The following SLC17A3 variants were observed in gnomAD, a reference collection of about 807,000 sequenced individuals.
SLC17A3 encodes sodium-dependent phosphate transport protein 4.
In SLC17A3, 61 loss-of-function variants were observed where a neutral mutation model predicts 60.3. The ratio of observed to expected loss-of-function variants is 1.01; its 90% CI spans 0.82 to 1.25. The LOEUF is 1.25. Among genes scored for constraint, SLC17A3 ranks in the 50% most tolerant of loss-of-function variants. The pLI, the probability that SLC17A3 is intolerant of heterozygous loss-of-function variation, is 0.00. For synonymous variants in SLC17A3, 192 were observed against 208.9 expected (o/e 0.92, Z 0.70); for missense variants, 624 against 594.9 (o/e 1.05, Z -0.51).
chr6:25,870,542 C>T (rs951302170), intron 1 of SLC17A3, among the ~76,000 whole-genome samples: 5 of 151,954 alleles, frequency 3.3e-5, no homozygotes, highest in Admixed American at 3.3e-4. Context: ...GAAGCCACTC[C>T]AAGATTATCC....
At chr6:25,849,596 C>A in intron 10 of SLC17A3, 132 bp from the exon 11 acceptor site, 1 of 736,072 alleles carries the variant, frequency 1.4e-6, no homozygotes, top group Admixed American at 2.2e-5. Context: ...ACAATTATAT[C>A]AAAAAGGACT....
At position 25,861,608 on chromosome 6, in the gene SLC17A3, G is replaced by C. The variant is rs764641864; in HGVS notation, c.625+16C>G. ...TGTTGGATTGTAGTGTACCCATTTG[G>C]ATTACATGTCCTTACCTGATAAAGC... On this transcript the variant is annotated intron_variant, in intron 5 of 12. Transcript: ENST00000397060. 1.2e-6 allele frequency: 2 copies of C among 1,608,442 alleles called. No homozygotes were observed. Among genetic ancestry groups the C allele is most frequent in the East Asian group, 4.5e-5 (2 of 44,864 alleles).
intron 2 of SLC17A3, among the ~76,000 whole-genome samples, chr6:25,865,660 T>C (rs1331918793): frequency 6.6e-6 from 1 of 152,018 alleles, no homozygotes; most frequent in East Asian, 1.9e-4. Context: ...AGTCTGGTGC[T>C]TGCCAGATGT....
At chr6:25,845,627 C>A in intron 11 of SLC17A3, 111 bp from the exon 12 acceptor site, 1 of 1,261,068 alleles carries the variant, frequency 7.9e-7, no homozygotes, top group South Asian at 1.2e-5. Flanking sequence ...TGTAGAAATT[C>A]ATTTCCTGAA....
At chr6:25,869,143 G>C (rs548987) in intron 1 of SLC17A3, among the ~76,000 whole-genome samples, 29,750 of 151,888 alleles carry the variant, frequency 0.2, 4,223 homozygotes, top group African/African-American at 0.4. Flanking sequence ...CATGGAGGTT[G>C]TGACCTTTTT....
At chr6:25,858,254 A>G (rs1002300831) in intron 5 of SLC17A3, among the ~76,000 whole-genome samples, 5 of 152,154 alleles carry the variant, frequency 3.3e-5, no homozygotes, top group Non-Finnish European at 5.9e-5. Context: ...GCCTCTCTTC[A>G]AGGCAAAACT....
intron 2 of SLC17A3, among the ~76,000 whole-genome samples, chr6:25,866,873 G>A (rs984668259): frequency 6.6e-6 from 1 of 151,908 alleles, no homozygotes; most frequent in African/African-American, 2.4e-5. Context: ...AATACTATTG[G>A]TGCAATAGCA....
Position 25,850,593 on chromosome 6 carries a change from T to A in SLC17A3, c.859A>T (p.Ile287Phe). ...GGTAGAGATCTGAGCATAGCTTTGATGGGAAGAGGCTGCTTAGAAGACCCG... is the reference window on the plus strand; with the variant it reads ...GGTAGAGATCTGAGCATAGCTTTGAAGGGAAGAGGCTGCTTAGAAGACCCG... Reference protein sequence around the residue: ...QVGSSKQPLPIKAMLRSLPIW... With the variant: ...QVGSSKQPLPFKAMLRSLPIW... The change falls in exon 8 of 13, where the codon ATC (isoleucine) becomes TTC (phenylalanine). Residue 287 changes from isoleucine (I) to phenylalanine (F), a missense_variant. Ile to Phe is a conservative substitution (Grantham distance 21). Transcript: ENST00000397060. The A allele has an allele frequency of 6.2e-7, 1 of 1,614,018 alleles. No individual in the cohort carries two copies.
intron 11 of SLC17A3, among the ~76,000 whole-genome samples, chr6:25,848,205 A>T (rs113888588): frequency 0.036 from 5,447 of 152,246 alleles, 281 homozygotes; most frequent in African/African-American, 0.12. Flanking sequence ...GCTGCCATAA[A>T]CATGTCTGTG....
intron 5 of SLC17A3, among the ~76,000 whole-genome samples, chr6:25,857,359 A>G (rs763833932): frequency 2.0e-5 from 3 of 151,498 alleles, no homozygotes; most frequent in Admixed American, 6.6e-5. Flanking sequence ...TTTTGCCTTA[A>G]TTTACAGAAT....
chr6:25,861,516 T>C, intron 5 of SLC17A3, 108 bp downstream of exon 5: 1 of 879,470 alleles, frequency 1.1e-6, no homozygotes, highest in East Asian at 2.5e-5. Flanking sequence ...TAAAAATACT[T>C]CACTGACATT....
intron 11 of SLC17A3, 69 bp downstream of exon 11, chr6:25,849,305 C>A (rs1765229293): frequency 1.1e-6 from 1 of 889,584 alleles, no homozygotes; most frequent in Non-Finnish European, 1.9e-6. Flanking sequence ...TCTTTGAATA[C>A]ATGCTATCAC....
intron 5 of SLC17A3, among the ~76,000 whole-genome samples, chr6:25,859,810 C>A (rs181657855): frequency 2.1e-4 from 32 of 152,154 alleles, no homozygotes; most frequent in Non-Finnish European, 3.7e-4. Flanking sequence ...TCAGGTCATG[C>A]GATCCTTCTA....
intron 1 of SLC17A3, among the ~76,000 whole-genome samples, chr6:25,870,701 T>G (rs926695787): frequency 6.6e-6 from 1 of 151,990 alleles, no homozygotes; most frequent in Non-Finnish European, 1.5e-5. Flanking sequence ...GAGAACCTGA[T>G]AGTTGCTAGA....
At chr6:25,849,115 A>C (rs942317226) in intron 11 of SLC17A3, among the ~76,000 whole-genome samples, 12 of 152,168 alleles carry the variant, frequency 7.9e-5, no homozygotes, top group Admixed American at 2.6e-4. Flanking sequence ...TTATGCATGG[A>C]ATCATTATCC....
rs896262356 is a variant in SLC17A3 at position 25,849,236 on chromosome 6, T to A, written c.1362+138A>T. On this transcript the variant is annotated intron_variant, in intron 11 of 12. Transcript: ENST00000397060. ...GGTCACCAAAGAAATGATTCTATATTTTTCTTTAGCAGGTTCATCTTAATG... is the reference window on the plus strand; with the variant it reads ...GGTCACCAAAGAAATGATTCTATATATTTCTTTAGCAGGTTCATCTTAATG... The A allele has an allele frequency of 1.0e-5, 7 of 672,316 alleles. 1 individual carries two copies. The highest frequency in any genetic ancestry group is 5.4e-5 in the African/African-American group (3 of 55,616). 41.6% of individuals were successfully genotyped at this position (672,316 alleles called of 1,614,324 possible). A position where few individuals can be genotyped will look rare whatever the true frequency, so the allele number is the denominator to read the frequency against.
At chr6:25,872,371 A>C (rs1004272751) in intron 1 of SLC17A3, among the ~76,000 whole-genome samples, 1 of 149,920 alleles carries the variant, frequency 6.7e-6, no homozygotes, top group Non-Finnish European at 1.5e-5. Context: ...ATTTGGGCTT[A>C]ATTTATTGTT....
chr6:25,870,073 G>A (rs1312342784), intron 1 of SLC17A3, among the ~76,000 whole-genome samples: 1 of 151,898 alleles, frequency 6.6e-6, no homozygotes, highest in Non-Finnish European at 1.5e-5. Flanking sequence ...AAGCTGCTGT[G>A]AACATTAATG....
In SLC17A3 at chr6:25,849,418, C is replaced by T. The variant is rs370537053; in HGVS notation, c.1318G>A (p.Ala440Thr). ...MGASRGFSSI[A>T]PVIVPTVSGF... is the part of the protein sequence containing the mutation. ...CTGACAGTGGGTACAATGACAGGTG[C>T]TATGCTCGAAAATCCTCTTGATGCT... Residue 440 changes from alanine (A) to threonine (T), a missense_variant, in exon 11 of 13, where the codon GCA becomes ACA. Coordinates refer to ENST00000397060, the MANE Select transcript of SLC17A3 (RefSeq NM_001098486.2). 1.2e-6 allele frequency: 2 copies of T among 1,613,030 alleles called. No individual in the cohort carries two copies. Among genetic ancestry groups the T allele is most frequent in the Non-Finnish European group, 1.7e-6 (2 of 1,179,098 alleles).
Sources: allele counts gnomAD v4.1 joint callset (sites outside exome capture counted in the v4.1 genomes callset), GRCh38; gene constraint gnomAD v4.1.1; transcripts MANE v1.5; gene names NCBI Gene and HGNC (gene_info 2026-07-23, HGNC 2026-07-21).